Variants in RPS6KC1 observed in about 807,000 individuals in gnomAD.
RPS6KC1 encodes ribosomal protein S6 kinase C1, also known as inactive ribosomal protein S6 kinase delta-1.
In RPS6KC1, 54 loss-of-function variants were observed where a neutral mutation model predicts 103.8. The ratio of observed to expected loss-of-function variants is 0.52; its 90% confidence interval spans 0.42 to 0.65. RPS6KC1 has a LOEUF of 0.65. Among genes scored for constraint, RPS6KC1 ranks in the 30% least tolerant of loss-of-function variants. RPS6KC1 has a pLI of 0.00. For synonymous variants in RPS6KC1, 439 were observed against 438.7 expected (o/e 1.00, Z -0.01); for missense variants, 1,151 against 1,253.8 (o/e 0.92, Z 1.24).
At chr1:213,647,980 C>T in the RPS6KC1 span, among the ~76,000 whole-genome samples, 1 of 152,190 alleles carries the variant, frequency 6.6e-6, no homozygotes, top group Non-Finnish European at 1.5e-5. Flanking sequence ...CTCTCATTCC[C>T]TGCTCCACAC....
the RPS6KC1 span, among the ~76,000 whole-genome samples, chr1:213,703,834 T>C: frequency 6.6e-6 from 1 of 152,176 alleles, no homozygotes; most frequent in East Asian, 1.9e-4. Context: ...TTGGTGTTCA[T>C]AACCTTCTTG....
chr1:213,111,805 A>T (rs2083054921), intron 4 of RPS6KC1, among the ~76,000 whole-genome samples: 1 of 152,184 alleles, frequency 6.6e-6, no homozygotes, highest in South Asian at 2.1e-4. Context: ...TTATCTTTTG[A>T]CATTCTCTAG....
the RPS6KC1 span, among the ~76,000 whole-genome samples, chr1:213,602,078 C>CTCTT: frequency 1.4e-3 from 53 of 38,584 alleles, 9 homozygotes; most frequent in African/African-American, 5.0e-3. Flanking sequence ...TTCTTTCTTT[C>CTCTT]TCTTTCTTTC....
At chr1:213,124,185 C>A (rs545139063) in intron 5 of RPS6KC1, among the ~76,000 whole-genome samples, 1 of 152,172 alleles carries the variant, frequency 6.6e-6, no homozygotes, top group South Asian at 2.1e-4. Flanking sequence ...GGAGGCAGAA[C>A]GCTTTCATAG....
the RPS6KC1 span, among the ~76,000 whole-genome samples, chr1:213,310,711 T>G: frequency 1.3e-5 from 2 of 152,254 alleles, no homozygotes; most frequent in South Asian, 4.1e-4. Context: ...ACGTAGTCAA[T>G]GCTAAATAAG....
the RPS6KC1 span, among the ~76,000 whole-genome samples, chr1:213,701,797 C>T: frequency 6.6e-6 from 1 of 151,870 alleles, no homozygotes; most frequent in Admixed American, 6.6e-5. Context: ...TTAGAGTCTT[C>T]TCACTTTTTT....
At chr1:213,058,650 G>C (rs1373318416) in intron 1 of RPS6KC1, among the ~76,000 whole-genome samples, 1 of 151,816 alleles carries the variant, frequency 6.6e-6, no homozygotes, top group South Asian at 2.1e-4. Context: ...ATACAATCTT[G>C]ATTATTATAG....
At chr1:213,123,571 CACAT>C (rs921149056) in intron 5 of RPS6KC1, among the ~76,000 whole-genome samples, 1 of 152,094 alleles carries the variant, frequency 6.6e-6, no homozygotes, top group Non-Finnish European at 1.5e-5. Context: ...AATAGGGAAT[CACAT>C]ACAGGAATCT....
the RPS6KC1 span, among the ~76,000 whole-genome samples, chr1:213,446,539 C>A: frequency 6.6e-6 from 1 of 152,244 alleles, no homozygotes; most frequent in East Asian, 1.9e-4. Flanking sequence ...AGATGAGGCC[C>A]ATCTTCATCA....
the RPS6KC1 span, among the ~76,000 whole-genome samples, chr1:213,703,523 T>C: frequency 3.3e-5 from 5 of 152,214 alleles, no homozygotes; most frequent in African/African-American, 1.2e-4. Context: ...GCATTTCTTA[T>C]AGGACATGTC....
chr1:213,480,099 G>T, the RPS6KC1 span, among the ~76,000 whole-genome samples: 7,557 of 151,962 alleles, frequency 0.05, 604 homozygotes, highest in African/African-American at 0.17. Flanking sequence ...GACATTCATT[G>T]TCCTGCATAA....
chr1:213,062,649 C>T lies in RPS6KC1; in HGVS notation c.106-8357C>T, dbSNP rs186537220. On this transcript the variant is annotated intron_variant, in intron 1 of 14. Transcript: ENST00000366960. ...TTGGCTCTCTGCAACCTCTGCCTCC[C>T]GGGTTCAAGGTATTCTCCTGCCTCA... Among the ~76,000 whole-genome samples the T allele has an allele frequency of 6.7e-3, 1,016 of 151,994 alleles. 6 individuals carry two copies. Among genetic ancestry groups the T allele is most frequent in the African/African-American group, 0.023 (956 of 41,440 alleles).
chr1:213,358,729 G>A, the RPS6KC1 span, among the ~76,000 whole-genome samples: 1 of 152,056 alleles, frequency 6.6e-6, no homozygotes, highest in Non-Finnish European at 1.5e-5. Context: ...TGCTTTAAAT[G>A]TGTCCCAGAG....
At chr1:213,567,157 T>C in the RPS6KC1 span, among the ~76,000 whole-genome samples, 1 of 152,224 alleles carries the variant, frequency 6.6e-6, no homozygotes. Flanking sequence ...CAAGCCCATA[T>C]GAAGTCACAC....
At chr1:213,521,786 T>C in the RPS6KC1 span, among the ~76,000 whole-genome samples, 3 of 152,244 alleles carry the variant, frequency 2.0e-5, no homozygotes, top group Admixed American at 6.5e-5. Flanking sequence ...AACTTTATCA[T>C]AAAATTTTAG....
At chr1:213,145,029 C>A (rs769742675) in intron 6 of RPS6KC1, among the ~76,000 whole-genome samples, 1 of 152,076 alleles carries the variant, frequency 6.6e-6, no homozygotes, top group Admixed American at 6.6e-5. Flanking sequence ...GAGCTGAGAT[C>A]GCGCCACTGC....
chr1:213,535,853 C>T, the RPS6KC1 span, among the ~76,000 whole-genome samples: 1 of 152,230 alleles, frequency 6.6e-6, no homozygotes, highest in East Asian at 1.9e-4. Flanking sequence ...AGGTCACATG[C>T]TCATTCCTGA....
chr1:213,757,071 A>G, the RPS6KC1 span, among the ~76,000 whole-genome samples: 29 of 152,320 alleles, frequency 1.9e-4, no homozygotes, highest in African/African-American at 6.5e-4. Flanking sequence ...TTGTTCCACC[A>G]TCTCTCTCCT....
chr1:213,544,707 T>C, the RPS6KC1 span, among the ~76,000 whole-genome samples: 1 of 152,332 alleles, frequency 6.6e-6, no homozygotes, highest in East Asian at 1.9e-4. Flanking sequence ...CCTCCTCTGG[T>C]GTCAGCCTCC....
Sources: allele counts gnomAD v4.1 joint callset (sites outside exome capture counted in the v4.1 genomes callset), GRCh38; gene constraint gnomAD v4.1.1; transcripts MANE v1.5; gene names NCBI Gene and HGNC (gene_info 2026-07-23, HGNC 2026-07-21).